Variants in GPATCH8 observed in about 807,000 individuals in gnomAD.
GPATCH8 encodes G-patch domain containing 8.
A neutral mutation model predicts 118.3 loss-of-function variants in GPATCH8; 18 were observed. The observed-to-expected ratio is 0.15, with a 90% CI of 0.11 to 0.23. The LOEUF (loss-of-function observed/expected upper bound fraction) is 0.23. GPATCH8 is among the 10% of genes least tolerant of loss of function. The probability of loss-of-function intolerance (pLI) is 1.00; values close to 1 mark genes in which losing one functional copy is unlikely to be tolerated. For synonymous variants in GPATCH8, 659 were observed against 684.7 expected (o/e 0.96, Z 0.59); for missense variants, 1,631 against 1,873.8 (o/e 0.87, Z 2.39).
chr17:44,449,765 AGC>A (rs1213962655), intron 3 of GPATCH8, among the ~76,000 whole-genome samples: 3 of 152,114 alleles, frequency 2.0e-5, no homozygotes, highest in Non-Finnish European at 2.9e-5. Context: ...CGCCCGCCTC[AGC>A]CTCCCAGAGT....
chr17:44,491,311 A>G (rs1969225798), intron 1 of GPATCH8, among the ~76,000 whole-genome samples: 1 of 152,080 alleles, frequency 6.6e-6, no homozygotes, highest in Admixed American at 6.6e-5. Context: ...CAAGATGGTG[A>G]AACCCTGTCT....
intron 1 of GPATCH8, among the ~76,000 whole-genome samples, chr17:44,501,913 C>T (rs1190257513): frequency 6.6e-6 from 1 of 151,988 alleles, no homozygotes; most frequent in African/African-American, 2.4e-5. Context: ...TTTTATAGTG[C>T]TTGCTAATAT....
At chr17:44,445,822 G>A (rs1374443648) in intron 3 of GPATCH8, 1 of 151,884 alleles carries the variant, frequency 6.6e-6, no homozygotes, top group Non-Finnish European at 1.5e-5. Flanking sequence ...AGTATTTCTT[G>A]ATTAATGAAT....
intron 1 of GPATCH8, among the ~76,000 whole-genome samples, chr17:44,493,203 G>A (rs1223301924): frequency 6.6e-6 from 1 of 151,964 alleles, no homozygotes. Flanking sequence ...TGGGACTACA[G>A]GCATGCACCA....
At position 44,474,804 on chromosome 17, in the gene GPATCH8, C is replaced by T. The variant is rs377583592; in HGVS notation, c.120+25G>A. Reference sequence around the variant, plus strand: ...ACTACCTAACTAACTAGCTAAGACCCGAAATTAAGCACTGATTATCTTACC... The same window carrying T: ...ACTACCTAACTAACTAGCTAAGACCTGAAATTAAGCACTGATTATCTTACC... On this transcript the variant is annotated intron_variant, in intron 2 of 7. Transcript: ENST00000591680. 42 of 1,294,820 alleles carry T rather than the reference C, an allele frequency of 3.2e-5. No homozygotes were observed. In the Middle Eastern group the frequency reaches 7.4e-4, roughly 23 times the overall value. The allele number at this position is 1,294,820 out of a possible 1,614,324, so 80.2% of individuals were successfully genotyped here.
In GPATCH8 at chr17:44,464,215, C is replaced by G. The variant is rs1214232234; in HGVS notation, c.193+257G>C. Among the ~76,000 whole-genome samples the G allele has an allele frequency of 3.3e-5, 5 of 152,176 alleles. No individual in the cohort carries two copies. The East Asian group carries it at 9.6e-4, about 29-fold the overall frequency. On this transcript the variant is annotated intron_variant, in intron 3 of 7. Transcript: ENST00000591680. ...CCTCCACCAAAAAAAAAATTTAAAA[C>G]AGGCTGAGCCACACACAGTATGTTT... is the stretch of plus-strand genomic sequence containing the variant.
intron 5 of GPATCH8, among the ~76,000 whole-genome samples, chr17:44,425,067 A>G (rs1245519631): frequency 6.6e-6 from 1 of 152,220 alleles, no homozygotes; most frequent in East Asian, 1.9e-4. Flanking sequence ...AAGGCAGTCC[A>G]ATTTGCCTCA....
Position 44,405,956 on chromosome 17 carries a change from G to A in GPATCH8, c.588C>T (p.Leu196=). ...EKKQEKALRR[L]HELAEQRKQA... ...GTTTTCTTTGCTCTGCCAACTCATG[G>A]AGCCGCCGAAGGGCTTTTTCCTGTT... is the stretch of plus-strand genomic sequence containing the variant. Residue 196 remains leucine, a synonymous_variant, in exon 7 of 8, where the codon CTC becomes CTT. Transcript: ENST00000591680. The A allele has an allele frequency of 1.9e-6, 3 of 1,612,616 alleles. No individual in the cohort carries two copies. Among genetic ancestry groups the A allele is most frequent in the Non-Finnish European group, 2.5e-6 (3 of 1,178,672 alleles).
intron 3 of GPATCH8, among the ~76,000 whole-genome samples, chr17:44,442,837 G>C (rs1224000534): frequency 2.0e-5 from 3 of 152,216 alleles, no homozygotes; most frequent in Admixed American, 6.5e-5. Flanking sequence ...CAGCACTTGG[G>C]GAGGCCAAGG....
intron 1 of GPATCH8, among the ~76,000 whole-genome samples, chr17:44,491,008 C>T (rs544902035): frequency 1.3e-5 from 2 of 152,286 alleles, no homozygotes; most frequent in Admixed American, 6.5e-5. Flanking sequence ...CATAATCCCA[C>T]AGCTGTATCC....
chr17:44,478,601 T>G (rs571925083), intron 1 of GPATCH8, among the ~76,000 whole-genome samples: 3 of 152,034 alleles, frequency 2.0e-5, no homozygotes, highest in South Asian at 2.1e-4. Context: ...GGTTCAAGAC[T>G]GCTGTGAGCT....
intron 3 of GPATCH8, among the ~76,000 whole-genome samples, chr17:44,441,299 T>C (rs1468611077): frequency 6.6e-6 from 1 of 152,228 alleles, no homozygotes; most frequent in African/African-American, 2.4e-5. Flanking sequence ...AGGAAGAAGC[T>C]TCTACAGTGA....
intron 6 of GPATCH8, among the ~76,000 whole-genome samples, chr17:44,423,270 G>A (rs1214369013): frequency 1.3e-5 from 2 of 152,184 alleles, no homozygotes; most frequent in Non-Finnish European, 2.9e-5. Context: ...CCAAAGGTAT[G>A]TAGTAAGTTG....
At chr17:44,489,623 A>C (rs1458450649) in intron 1 of GPATCH8, among the ~76,000 whole-genome samples, 1 of 152,268 alleles carries the variant, frequency 6.6e-6, no homozygotes, top group Non-Finnish European at 1.5e-5. Flanking sequence ...TACAGGCGTG[A>C]GCCACCGCCC....
chr17:44,422,284 C>T (rs896237522), intron 6 of GPATCH8, among the ~76,000 whole-genome samples: 1 of 151,810 alleles, frequency 6.6e-6, no homozygotes, highest in Non-Finnish European at 1.5e-5. Context: ...TGGGCTCAAG[C>T]GATTCTAACA....
chr17:44,408,278 C>T (rs551829367), intron 6 of GPATCH8, among the ~76,000 whole-genome samples: 41 of 152,010 alleles, frequency 2.7e-4, no homozygotes, highest in African/African-American at 9.6e-4. Context: ...CTCTGCCTCC[C>T]GGGTCCAAGC....
chr17:44,492,538 A>ACTGCAC, intron 1 of GPATCH8, among the ~76,000 whole-genome samples: 1 of 151,976 alleles, frequency 6.6e-6, no homozygotes, highest in African/African-American at 2.4e-5. Context: ...AGTCACTACA[A>ACTGCAC]TCCAGCCTGG....
intron 6 of GPATCH8, among the ~76,000 whole-genome samples, chr17:44,414,898 A>G (rs1172745646): frequency 6.6e-6 from 1 of 152,218 alleles, no homozygotes; most frequent in Non-Finnish European, 1.5e-5. Flanking sequence ...TGCATGTTGT[A>G]TATACCAGTA....
At chr17:44,467,948 T>C (rs1311692403) in intron 2 of GPATCH8, among the ~76,000 whole-genome samples, 2 of 151,954 alleles carry the variant, frequency 1.3e-5, no homozygotes, top group Non-Finnish European at 2.9e-5. Flanking sequence ...AAACAAGCAA[T>C]CTATTCTCTC....
Sources: allele counts gnomAD v4.1 joint callset (sites outside exome capture counted in the v4.1 genomes callset), GRCh38; gene constraint gnomAD v4.1.1; transcripts MANE v1.5; gene names NCBI Gene and HGNC (gene_info 2026-07-23, HGNC 2026-07-21).